Variants in NAALADL2 observed in about 807,000 individuals in gnomAD.
NAALADL2 encodes inactive N-acetylated-alpha-linked acidic dipeptidase-like protein 2.
NAALADL2 carries 76 observed loss-of-function variants against 87.2 expected under a neutral mutation model. The ratio of observed to expected loss-of-function variants is 0.87; its 90% CI spans 0.72 to 1.05. The LOEUF is 1.05. Among genes scored for constraint, NAALADL2 ranks in the 50% least tolerant of loss-of-function variants. The pLI is 0.00. For missense variants in NAALADL2, 1,089 were observed against 945.8 expected, an observed-to-expected ratio of 1.15 and a Z score of -1.99; for synonymous variants, 354 against 331.0, an observed-to-expected ratio of 1.07 and a Z score of -0.75.
chr3:175,295,071 A>G (rs1756141750), intron 4 of NAALADL2, among the ~76,000 whole-genome samples: 1 of 152,210 alleles, frequency 6.6e-6, no homozygotes, highest in Admixed American at 6.5e-5. Context: ...ATGTGTCAAT[A>G]CATGCAGTCA....
At chr3:174,458,005 A>C (rs1321329975) in intron 1 of NAALADL2, among the ~76,000 whole-genome samples, 3 of 152,140 alleles carry the variant, frequency 2.0e-5, no homozygotes, top group Non-Finnish European at 4.4e-5. Context: ...GAAGGTGGGA[A>C]GAGGGAGAGG....
rs528293264 is a variant in NAALADL2, at chr3:174,655,378, C to T, written c.-114-82263C>T. Reference sequence around the variant, plus strand: ...ACTAAAGAAGATTCTGTAAATGTTACATGAACAACAGTCATTTAAATTATT... The same window carrying T: ...ACTAAAGAAGATTCTGTAAATGTTATATGAACAACAGTCATTTAAATTATT... On this transcript the variant is annotated intron_variant, in intron 2 of 3. Coordinates refer to the NAALADL2 transcript ENST00000434257. 2.0e-5 allele frequency among the ~76,000 whole-genome samples: 3 copies of T among 151,534 alleles called. No homozygotes were observed. The East Asian group carries it at 5.8e-4, about 29-fold the overall frequency.
intron 13 of NAALADL2, among the ~76,000 whole-genome samples, chr3:175,767,876 A>C (rs113218948): frequency 0.014 from 2,182 of 152,262 alleles, 51 homozygotes; most frequent in African/African-American, 0.049. Context: ...TATCTGCCTG[A>C]AACCGTTGCT....
rs78492723 is a variant in NAALADL2, at chr3:175,521,805, G to T, written c.1653+50047G>T. On this transcript the variant is annotated intron_variant, in intron 9 of 13. Coordinates refer to ENST00000454872, the MANE Select transcript of NAALADL2 (RefSeq NM_207015.3). ...GATCCTTGCCTAGAGCTTTCAAAGA[G>T]AAATGTTGGGATCCAGAACCTGAGA... Among the ~76,000 whole-genome samples, 348 of 152,270 alleles carry T rather than the reference G, an allele frequency of 2.3e-3. 7 individuals carry two copies. In the East Asian group the frequency reaches 0.059, roughly 26 times the overall value.
chr3:174,475,633 A>G (rs752126366), intron 1 of NAALADL2, among the ~76,000 whole-genome samples: 1 of 152,050 alleles, frequency 6.6e-6, no homozygotes, highest in Non-Finnish European at 1.5e-5. Flanking sequence ...AAGATTTAAT[A>G]TATATCAGAC....
At chr3:174,807,869 TTG>T (rs374956917) in intron 3 of NAALADL2, among the ~76,000 whole-genome samples, 10 of 149,928 alleles carry the variant, frequency 6.7e-5, no homozygotes, top group African/African-American at 1.7e-4. Flanking sequence ...ATTATTTTCA[TTG>T]TGTGTGTGTG....
intron 4 of NAALADL2, among the ~76,000 whole-genome samples, chr3:175,311,487 G>A (rs1030768798): frequency 6.6e-5 from 10 of 152,034 alleles, no homozygotes; most frequent in African/African-American, 2.4e-4. Context: ...TGCTTTATTT[G>A]TAAAATAAGA....
At chr3:175,450,179 T>C (rs1721351693) in intron 6 of NAALADL2, among the ~76,000 whole-genome samples, 1 of 152,112 alleles carries the variant, frequency 6.6e-6, no homozygotes, top group African/African-American at 2.4e-5. Context: ...TTTTCTGAGA[T>C]AATTAAGTTT....
At chr3:174,667,191 A>G (rs1351611940) in intron 2 of NAALADL2, among the ~76,000 whole-genome samples, 1 of 152,158 alleles carries the variant, frequency 6.6e-6, no homozygotes, top group East Asian at 1.9e-4. Flanking sequence ...CATACCCAGA[A>G]GTAAGATTGG....
intron 2 of NAALADL2, among the ~76,000 whole-genome samples, chr3:174,700,519 A>T (rs1051456735): frequency 6.6e-6 from 1 of 152,190 alleles, no homozygotes; most frequent in Non-Finnish European, 1.5e-5. Flanking sequence ...GTTAGCAACC[A>T]GGCTTGCTTA....
rs1158875487 is a variant in NAALADL2, at chr3:174,992,072, G to A, written c.44-104718G>A. ...TGAGCCATTAGAGCAATTACTTTTG[G>A]TATCTAGTGACCCATTAAAATGTAG... On this transcript the variant is annotated intron_variant, in intron 1 of 13. Transcript: ENST00000454872. Among the ~76,000 whole-genome samples the A allele has an allele frequency of 2.6e-5, 4 of 151,840 alleles. No homozygotes were observed. The South Asian group carries it at 8.3e-4, about 31-fold the overall frequency.
intron 11 of NAALADL2, among the ~76,000 whole-genome samples, chr3:175,669,315 G>C (rs535998028): frequency 6.6e-6 from 1 of 152,140 alleles, no homozygotes; most frequent in African/African-American, 2.4e-5. Flanking sequence ...AAGATCCAGA[G>C]ATGTGTTCCT....
chr3:175,712,166 A>G (rs1343547013), intron 11 of NAALADL2, among the ~76,000 whole-genome samples: 1 of 152,032 alleles, frequency 6.6e-6, no homozygotes, highest in Non-Finnish European at 1.5e-5. Context: ...TAAAAACAAT[A>G]TTTGATGCTA....
rs568113057 is a variant in NAALADL2 at position 175,419,606 on chromosome 3, C to A, written c.1091-27623C>A. ...AATTCAAGTGTGTTCTCAGAGAGAC[C>A]TGATAAAGATTAGGAAACAAAATAG... On this transcript the variant is annotated intron_variant, in intron 5 of 13. Transcript: ENST00000454872. Among the ~76,000 whole-genome samples, 3 of 151,772 alleles carry A rather than the reference C, an allele frequency of 2.0e-5. No homozygotes were observed. In the South Asian group the frequency reaches 6.2e-4, roughly 32 times the overall value.
At chr3:174,916,850 C>A (rs1253192634) in intron 1 of NAALADL2, among the ~76,000 whole-genome samples, 1 of 151,794 alleles carries the variant, frequency 6.6e-6, no homozygotes, top group African/African-American at 2.4e-5. Context: ...ACTTGTACCC[C>A]AAAAACTATT....
At chr3:175,784,089 G>A (rs973570492) in intron 13 of NAALADL2, among the ~76,000 whole-genome samples, 2 of 149,826 alleles carry the variant, frequency 1.3e-5, no homozygotes. Flanking sequence ...TTGATGTGCT[G>A]CTGGATTCGT....
chr3:175,735,621 G>T (rs140587969), intron 11 of NAALADL2, among the ~76,000 whole-genome samples: 1 of 152,256 alleles, frequency 6.6e-6, no homozygotes, highest in African/African-American at 2.4e-5. Flanking sequence ...AAAAAAGAGA[G>T]CAGGGAAACT....
chr3:175,187,224 A>G (rs781662059), intron 2 of NAALADL2, among the ~76,000 whole-genome samples: 5 of 152,176 alleles, frequency 3.3e-5, no homozygotes, highest in Non-Finnish European at 7.3e-5. Flanking sequence ...ATAAACATCT[A>G]CCATGCTTCT....
intron 2 of NAALADL2, among the ~76,000 whole-genome samples, chr3:175,138,862 C>T (rs1471308): frequency 0.39 from 50,060 of 128,342 alleles, 9,420 homozygotes; most frequent in South Asian, 0.46. Context: ...ACTAAAGAGC[C>T]AGAAAAAAAA....
Sources: gnomAD v4.1 joint callset for allele counts (sites outside exome capture counted in the v4.1 genomes callset) on GRCh38, gnomAD v4.1.1 for gene constraint, MANE v1.5 for transcripts, NCBI Gene and HGNC (gene_info 2026-07-23, HGNC 2026-07-21) for gene names.